CDHR3: variants seen among roughly 807,000 people sequenced by gnomAD.
CDHR3 encodes the protein cadherin-related family member 3.
In CDHR3, 79 loss-of-function variants were observed where a neutral mutation model predicts 86.6. That is an observed-to-expected ratio of 0.91 (90% CI 0.76 to 1.10). The LOEUF is 1.10. Among genes scored for constraint, CDHR3 ranks in the 50% least tolerant of loss-of-function variants. The pLI, the probability that CDHR3 is intolerant of heterozygous loss-of-function variation, is 0.00. For missense variants in CDHR3, 1,081 were observed against 1,077.6 expected (o/e 1.00, Z -0.04); for synonymous variants, 421 against 402.4 (o/e 1.05, Z -0.55).
In CDHR3 at chr7:105,975,066, C is replaced by T. The variant is rs767292843; in HGVS notation, c.249+20C>T. 3 of 1,579,342 alleles carry T rather than the reference C, an allele frequency of 1.9e-6. No homozygotes were observed. Among genetic ancestry groups the T allele is most frequent in the East Asian group, 2.2e-5 (1 of 44,724 alleles). On this transcript the variant is annotated intron_variant, in intron 2 of 18. Coordinates refer to ENST00000317716, the MANE Select transcript of CDHR3 (RefSeq NM_152750.5). ...TTTGAGGTAAGTAACAACTTACCAA[C>T]ATGAGTGTTGCCTGCAAAGAGGTGA...
chr7:106,017,025 A>G (rs1835736126), intron 11 of CDHR3, among the ~76,000 whole-genome samples: 1 of 152,214 alleles, frequency 6.6e-6, no homozygotes, highest in Non-Finnish European at 1.5e-5. Context: ...CCCACCAACA[A>G]TATTTGTAAA....
At chr7:105,973,253 G>A (rs1462825793) in intron 1 of CDHR3, among the ~76,000 whole-genome samples, 2 of 152,182 alleles carry the variant, frequency 1.3e-5, no homozygotes, top group Non-Finnish European at 2.9e-5. Flanking sequence ...TCTGAGAGGA[G>A]TGTTTGAGGA....
chr7:105,991,242 A>G (rs1217420469), intron 4 of CDHR3, among the ~76,000 whole-genome samples: 1 of 152,278 alleles, frequency 6.6e-6, no homozygotes, highest in Non-Finnish European at 1.5e-5. Context: ...CAGGTTTTAC[A>G]GAGAGCCTTG....
intron 3 of CDHR3, among the ~76,000 whole-genome samples, chr7:105,983,567 G>A (rs932123747): frequency 6.6e-6 from 1 of 152,272 alleles, no homozygotes; most frequent in South Asian, 2.1e-4. Flanking sequence ...AGGAAAAAAT[G>A]CCCGAGTGAG....
intron 9 of CDHR3, among the ~76,000 whole-genome samples, chr7:106,014,443 G>A (rs1409044010): frequency 6.6e-6 from 1 of 152,142 alleles, no homozygotes; most frequent in East Asian, 1.9e-4. Flanking sequence ...AATAGAAAAA[G>A]TATAACAAAA....
At position 106,033,360 on chromosome 7, in the gene CDHR3, G is replaced by C. The variant is rs1052758547; in HGVS notation, c.*663G>C. The C allele has an allele frequency of 6.6e-6, 1 of 152,160 alleles. No homozygotes were observed. Among genetic ancestry groups the C allele is most frequent in the African/African-American group, 2.4e-5 (1 of 41,432 alleles). The allele number at this position is 152,160 out of a possible 1,614,324, so 9.4% of individuals were successfully genotyped here. On this transcript the variant is annotated 3_prime_UTR_variant, in exon 19 of 19. Coordinates refer to ENST00000317716, the MANE Select transcript of CDHR3 (RefSeq NM_152750.5). Reference sequence around the variant, plus strand: ...TTCAGTTCTCTTCATGGTTATGTCTGGTTTCATTCTATGATTATATCACAA... The same window carrying C: ...TTCAGTTCTCTTCATGGTTATGTCTCGTTTCATTCTATGATTATATCACAA...
chr7:106,021,593 C>T (rs1836582979), intron 13 of CDHR3, among the ~76,000 whole-genome samples: 1 of 152,216 alleles, frequency 6.6e-6, no homozygotes, highest in Non-Finnish European at 1.5e-5. Context: ...TGAGCTGAGC[C>T]ATGAGCCCCA....
intron 5 of CDHR3, 110 bp downstream of exon 5, chr7:105,994,955 C>A: frequency 1.3e-6 from 1 of 795,186 alleles, no homozygotes; most frequent in Non-Finnish European, 2.1e-6. Context: ...GCCCCTTGAG[C>A]AGTCTACAGC....
intron 1 of CDHR3, among the ~76,000 whole-genome samples, chr7:105,969,065 G>A (rs915829979): frequency 1.3e-5 from 2 of 150,584 alleles, no homozygotes. Flanking sequence ...TCCAGCCCGG[G>A]GGACAGAGCG....
chr7:106,032,415 C>T lies in CDHR3; in HGVS notation c.2376C>T (p.Phe792=). 6.2e-7 allele frequency: 1 copy of T among 1,609,882 alleles called. No homozygotes were observed. Reference sequence around the variant, plus strand: ...TAGTGACCGGGGAAACATATGAATTCAACTCAAAAACTGGAGCCAGAAAGT... The same window carrying T: ...TAGTGACCGGGGAAACATATGAATTTAACTCAAAAACTGGAGCCAGAAAGT... ...IDPVTGETYE[F]NSKTGARKWK... The change falls in exon 19 of 19, where the codon TTC becomes TTT. Residue 792 remains phenylalanine, a synonymous_variant. Coordinates refer to ENST00000317716, the MANE Select transcript of CDHR3 (RefSeq NM_152750.5).
In CDHR3 at chr7:105,994,749, AG is replaced by A. The variant is rs1563258628; in HGVS notation, c.514-1del. The A allele has an allele frequency of 6.2e-7, 1 of 1,605,744 alleles. No individual in the cohort carries two copies. The highest frequency in any genetic ancestry group is 1.1e-5 in the South Asian group (1 of 89,426). On this transcript the variant is annotated splice_acceptor_variant, in intron 4 of 18. Coordinates refer to ENST00000317716, the MANE Select transcript of CDHR3 (RefSeq NM_152750.5). LOFTEE classifies it high-confidence loss of function. ...CATCAATTTTTTTCCCTTGTTTTTT[AG>A]TATTTCCTGATTTCTCCCCCAAAGA...
chr7:105,974,997 C>T lies in CDHR3; in HGVS notation c.200C>T (p.Pro67Leu), dbSNP rs370855498. 1.3e-4 allele frequency: 206 copies of T among 1,613,796 alleles called. No homozygotes were observed. The highest frequency in any genetic ancestry group is 1.6e-4 in the Non-Finnish European group (194 of 1,179,838). ...TTTCCCCAGATAGTCAACTCAAATC[C>T]CCTCACTGAAGCTTTTAGGGTGAAT... ...PGFPQIVNSN[P>L]LTEAFRVNWL... The change falls in exon 2 of 19, where the codon CCC becomes CTC. Residue 67 changes from proline (P) to leucine (L), a missense_variant. Transcript: ENST00000317716.
chr7:106,000,265 C>T (rs1049744370), intron 6 of CDHR3, among the ~76,000 whole-genome samples: 3 of 152,186 alleles, frequency 2.0e-5, no homozygotes, highest in Admixed American at 2.0e-4. Flanking sequence ...CACAGAAGTC[C>T]ACCTTGTGAA....
chr7:106,004,397 C>G (rs1833645013), intron 7 of CDHR3, 101 bp from the exon 8 acceptor site: 3 of 877,320 alleles, frequency 3.4e-6, no homozygotes, highest in Non-Finnish European at 5.3e-6. Flanking sequence ...TCTGCATAAG[C>G]TCTTCCTCAT....
chr7:106,004,841 G>T, intron 8 of CDHR3, 154 bp downstream of exon 8: 2 of 685,292 alleles, frequency 2.9e-6, no homozygotes, highest in South Asian at 2.0e-5. Flanking sequence ...TTGTCCACAG[G>T]TTTCCTTGTT....
rs1178516686 is a variant in CDHR3 at position 106,005,802 on chromosome 7, T to A, written c.1052+1115T>A. ...GCATGCCCAGTATAATGTTAAAGGA[T>A]CCATGTGACCTCGAGTCTGATATCA... On this transcript the variant is annotated intron_variant, in intron 8 of 18. Transcript: ENST00000317716. 5.3e-5 allele frequency among the ~76,000 whole-genome samples: 8 copies of A among 152,146 alleles called. 1 individual carries two copies. Among genetic ancestry groups the A allele is most frequent in the Non-Finnish European group, 1.2e-4 (8 of 68,026 alleles).
At chr7:106,032,307 T>G in intron 18 of CDHR3, 86 bp from the exon 19 acceptor site, 1 of 1,317,256 alleles carries the variant, frequency 7.6e-7, no homozygotes, top group Non-Finnish European at 1.0e-6. Flanking sequence ...CCCTTGGGAG[T>G]CAGAACAGAG....
At chr7:106,002,399 G>A (rs1192986804) in intron 7 of CDHR3, among the ~76,000 whole-genome samples, 2 of 152,192 alleles carry the variant, frequency 1.3e-5, no homozygotes, top group Admixed American at 1.3e-4. Flanking sequence ...AAAAGGGTGT[G>A]ATAAACCTGG....
At chr7:105,981,920 A>G (rs1191904969) in intron 3 of CDHR3, among the ~76,000 whole-genome samples, 3 of 152,122 alleles carry the variant, frequency 2.0e-5, no homozygotes, top group African/African-American at 7.2e-5. Flanking sequence ...CCTTTAGGAA[A>G]TCTTGCCAGC....
Sources: allele counts gnomAD v4.1 joint callset (sites outside exome capture counted in the v4.1 genomes callset), GRCh38; gene constraint gnomAD v4.1.1; transcripts MANE v1.5; gene names NCBI Gene and HGNC (gene_info 2026-07-23, HGNC 2026-07-21).